Variants in SLIT1 observed in about 807,000 individuals in gnomAD.
SLIT1 encodes slit guidance ligand 1.
A neutral mutation model predicts 186.1 loss-of-function variants in SLIT1; 66 were observed. The observed-to-expected ratio is 0.35, with a 90% CI of 0.29 to 0.44. SLIT1 has a LOEUF of 0.44. Among genes scored for constraint, SLIT1 ranks in the 20% least tolerant of loss-of-function variants. The pLI is 1.00. For missense variants in SLIT1, 1,638 were observed against 2,037.4 expected (o/e 0.80, Z 3.77); for synonymous variants, 761 against 833.8 (o/e 0.91, Z 1.50).
intron 13 of SLIT1, among the ~76,000 whole-genome samples, chr10:97,049,924 C>A (rs60670419): frequency 0.078 from 11,893 of 152,224 alleles, 861 homozygotes; most frequent in African/African-American, 0.18. Context: ...GGCATGCCCA[C>A]GGGTGGGCTC....
rs371295973 is a variant in SLIT1 at position 97,006,617 on chromosome 10, G to A, written c.3445C>T (p.Pro1149Ser). The A allele has an allele frequency of 6.2e-7, 1 of 1,614,202 alleles. No homozygotes were observed. Among genetic ancestry groups the A allele is most frequent in the Middle Eastern group, 1.6e-4 (1 of 6,062 alleles). The change falls in exon 32 of 37, where the codon CCT becomes TCT. Residue 1149 changes from proline (P) to serine (S), a missense_variant. Transcript: ENST00000266058. This position sits in a 1 kb window ranked among gnomAD's most constrained non-coding sequence, Gnocchi z 4.0. ...GANCVDQGNRPVCQCLPGFGG... is the reference protein window; with the variant it reads ...GANCVDQGNRSVCQCLPGFGG... ...AAGCCTGGGAGGCACTGGCACACAGGCCTGTTGCCCTGGTCCACACAGTTG... is the reference window on the plus strand; with the variant it reads ...AAGCCTGGGAGGCACTGGCACACAGACCTGTTGCCCTGGTCCACACAGTTG...
At chr10:97,134,457 C>T (rs777215016) in intron 4 of SLIT1, among the ~76,000 whole-genome samples, 5 of 152,154 alleles carry the variant, frequency 3.3e-5, no homozygotes, top group African/African-American at 4.8e-5. Context: ...GTTCTCTCTG[C>T]GCCCCTGGGT....
At chr10:97,075,492 CCA>C (rs1005082195) in intron 4 of SLIT1, among the ~76,000 whole-genome samples, 3 of 152,174 alleles carry the variant, frequency 2.0e-5, no homozygotes, top group Non-Finnish European at 4.4e-5. Context: ...TCTGGCAGGA[CCA>C]CAGTTAGTTC....
intron 1 of SLIT1, among the ~76,000 whole-genome samples, chr10:97,171,787 C>A (rs1850192611): frequency 6.6e-6 from 1 of 151,750 alleles, no homozygotes; most frequent in Admixed American, 6.6e-5. Context: ...CCAGTGCACT[C>A]CAGCCTGGGT....
At chr10:97,105,175 CTCCT>C (rs1849400600) in intron 4 of SLIT1, among the ~76,000 whole-genome samples, 1 of 152,218 alleles carries the variant, frequency 6.6e-6, no homozygotes, top group Non-Finnish European at 1.5e-5. Context: ...GGGGGGCATG[CTCCT>C]TCCTTAACAT....
intron 2 of SLIT1, 31 bp from the exon 3 acceptor site, chr10:97,163,482 AG>A: frequency 1.3e-6 from 2 of 1,599,828 alleles, no homozygotes; most frequent in Non-Finnish European, 1.7e-6. Flanking sequence ...GGACAGCTAC[AG>A]GGTGTGGGAC....
At chr10:97,028,812 G>A (rs1011444823) in intron 25 of SLIT1, among the ~76,000 whole-genome samples, 6 of 152,312 alleles carry the variant, frequency 3.9e-5, no homozygotes, top group South Asian at 2.1e-4. Context: ...AATAAATAGC[G>A]AGCTTTGGAA....
intron 22 of SLIT1, among the ~76,000 whole-genome samples, chr10:97,036,698 G>A (rs1848641331): frequency 6.6e-6 from 1 of 152,216 alleles, no homozygotes. Context: ...GAGTGGGACT[G>A]CTCCAAATCA....
chr10:97,038,837 C>T (rs934148950), intron 21 of SLIT1, among the ~76,000 whole-genome samples: 1 of 152,208 alleles, frequency 6.6e-6, no homozygotes, highest in Non-Finnish European at 1.5e-5. Flanking sequence ...CGTCCACATA[C>T]CCAAGTAGTC....
intron 4 of SLIT1, among the ~76,000 whole-genome samples, chr10:97,149,240 G>A (rs1236982617): frequency 2.0e-5 from 3 of 152,248 alleles, no homozygotes; most frequent in East Asian, 3.9e-4. Flanking sequence ...GAGGCCGGCC[G>A]CCCTCTTCCC....
chr10:97,041,161 T>G (rs968575058), intron 20 of SLIT1, among the ~76,000 whole-genome samples: 10 of 152,134 alleles, frequency 6.6e-5, no homozygotes, highest in African/African-American at 2.4e-4. Flanking sequence ...AGGAAGCTGT[T>G]CTAGGGGAGA....
chr10:97,035,031 A>G (rs995009676), intron 22 of SLIT1, among the ~76,000 whole-genome samples: 4 of 152,204 alleles, frequency 2.6e-5, no homozygotes, highest in Non-Finnish European at 4.4e-5. Flanking sequence ...GGTCGGAGGC[A>G]GAGCCAGATT....
intron 4 of SLIT1, among the ~76,000 whole-genome samples, chr10:97,084,505 G>A (rs906421137): frequency 6.6e-6 from 1 of 152,246 alleles, no homozygotes; most frequent in Non-Finnish European, 1.5e-5. Context: ...ATGGGAGAAA[G>A]TAACAGTCAT....
chr10:97,147,211 A>G (rs1163133680), intron 4 of SLIT1, among the ~76,000 whole-genome samples: 1 of 152,208 alleles, frequency 6.6e-6, no homozygotes, highest in Non-Finnish European at 1.5e-5. Context: ...CATGTCTGTG[A>G]TGTACTGAGA....
intron 8 of SLIT1, among the ~76,000 whole-genome samples, chr10:97,061,099 A>G (rs894711163): frequency 2.0e-5 from 3 of 152,134 alleles, no homozygotes; most frequent in East Asian, 3.8e-4. Context: ...GTCACTTAAC[A>G]CTTCTGAGCC....
At chr10:97,018,075 C>T (rs1404738633) in intron 28 of SLIT1, among the ~76,000 whole-genome samples, 1 of 152,148 alleles carries the variant, frequency 6.6e-6, no homozygotes, top group African/African-American at 2.4e-5. Flanking sequence ...TCTCAAACTC[C>T]TGACCTCGTG....
At chr10:97,035,018 G>C (rs755090214) in intron 22 of SLIT1, among the ~76,000 whole-genome samples, 20 of 152,194 alleles carry the variant, frequency 1.3e-4, no homozygotes, top group Non-Finnish European at 2.1e-4. Context: ...AGGGTCACCA[G>C]CTGGTCGGAG....
intron 4 of SLIT1, among the ~76,000 whole-genome samples, chr10:97,104,183 A>T (rs1317644238): frequency 6.6e-6 from 1 of 152,086 alleles, no homozygotes; most frequent in Admixed American, 6.5e-5. Context: ...CAAAGACCTA[A>T]AGGAAGAAGG....
chr10:97,085,787 G>A (rs2134658576), intron 4 of SLIT1, among the ~76,000 whole-genome samples: 1 of 152,336 alleles, frequency 6.6e-6, no homozygotes, highest in South Asian at 2.1e-4. Flanking sequence ...AAGGGCCATG[G>A]ATGTTTACTT....
Sources: gnomAD v4.1 joint callset for allele counts (sites outside exome capture counted in the v4.1 genomes callset) on GRCh38, gnomAD v4.1.1 for gene constraint, Gnocchi (gnomAD v3.1) non-coding constraint, MANE v1.5 for transcripts, NCBI Gene and HGNC (gene_info 2026-07-23, HGNC 2026-07-21) for gene names.